TM4SF19: variants seen among roughly 807,000 people sequenced by gnomAD.
TM4SF19 encodes the protein transmembrane 4 L6 family member 19.
Under a neutral mutation model 21.8 loss-of-function variants are expected in TM4SF19, and 17 were observed. The ratio of observed to expected loss-of-function variants is 0.78; its 90% confidence interval spans 0.53 to 1.17. TM4SF19 has a LOEUF of 1.17. Among genes scored for constraint, TM4SF19 ranks in the 50% most tolerant of loss-of-function variants. TM4SF19 has a pLI of 0.00. For synonymous variants in TM4SF19, 107 were observed against 106.7 expected, an observed-to-expected ratio of 1.00 and a Z score of -0.02; for missense variants, 216 against 252.1, an observed-to-expected ratio of 0.86 and a Z score of 0.97.
chr3:196,331,496 A>G (rs57097256), intron 1 of TM4SF19, among the ~76,000 whole-genome samples: 1 of 151,126 alleles, frequency 6.6e-6, no homozygotes, highest in Non-Finnish European at 1.5e-5. Flanking sequence ...ATTGAAAAAA[A>G]TTTATTTTTA....
At chr3:196,337,231 T>G (rs1727800441) in intron 1 of TM4SF19, among the ~76,000 whole-genome samples, 1 of 151,930 alleles carries the variant, frequency 6.6e-6, no homozygotes, top group Non-Finnish European at 1.5e-5. Context: ...GCTAATTTTG[T>G]ATTTTTAGTA....
chr3:196,338,206 T>A (rs1039754110), intron 1 of TM4SF19, 58 bp downstream of exon 1: 1 of 152,254 alleles, frequency 6.6e-6, no homozygotes. Context: ...GCGTGCACTC[T>A]CATCTGTGAG....
At chr3:196,334,471 T>C (rs1727641141) in intron 1 of TM4SF19, among the ~76,000 whole-genome samples, 1 of 151,834 alleles carries the variant, frequency 6.6e-6, no homozygotes, top group African/African-American at 2.4e-5. Context: ...TTTTTTTTCT[T>C]GAGACAGAGT....
At chr3:196,326,163 C>T (rs911975416) in intron 3 of TM4SF19, among the ~76,000 whole-genome samples, 4 of 151,964 alleles carry the variant, frequency 2.6e-5, no homozygotes, top group African/African-American at 7.3e-5. Context: ...TTGGTAGAGA[C>T]GGGGTTTCAC....
At chr3:196,326,493 G>T (rs1225715432) in intron 3 of TM4SF19, among the ~76,000 whole-genome samples, 1 of 152,054 alleles carries the variant, frequency 6.6e-6, no homozygotes, top group Non-Finnish European at 1.5e-5. Flanking sequence ...AATTTATTCT[G>T]GGCCTCAGTT....
At chr3:196,331,366 AAGTC>A (rs1037957365) in intron 1 of TM4SF19, among the ~76,000 whole-genome samples, 5 of 151,488 alleles carry the variant, frequency 3.3e-5, no homozygotes, top group Admixed American at 6.6e-5. Context: ...GATCTGAAAA[AAGTC>A]AGCGTCATGA....
chr3:196,332,796 T>G (rs912336047), intron 1 of TM4SF19, among the ~76,000 whole-genome samples: 6 of 151,818 alleles, frequency 4.0e-5, no homozygotes, highest in African/African-American at 1.5e-4. Flanking sequence ...AAAAGGCATT[T>G]AATGCTGGCA....
intron 1 of TM4SF19, among the ~76,000 whole-genome samples, chr3:196,337,121 G>C (rs1727795448): frequency 7.2e-6 from 1 of 139,190 alleles, no homozygotes; most frequent in South Asian, 2.4e-4. Context: ...GAGTGCAGCG[G>C]CATGCTCTTG....
Position 196,323,848 on chromosome 3 carries a change from A to C in TM4SF19, c.599T>G (p.Leu200Arg), listed in dbSNP as rs1366990185. 2 of 1,614,208 alleles carry C rather than the reference A, an allele frequency of 1.2e-6. No individual in the cohort carries two copies. The highest frequency in any genetic ancestry group is 1.7e-6 in the Non-Finnish European group (2 of 1,180,040). ...LVVVHVINSLLGLFCSLCEK is the reference protein window; with the variant it reads ...LVVVHVINSLRGLFCSLCEK The stretch of plus-strand genomic sequence containing the variant: ...CTCGCAGAGGCTGCAGAAAAGGCCC[A>C]GGAGGCTGTTGATGACATGAACGAC... The change falls in exon 5 of 5, where the codon CTG becomes CGG. Residue 200 changes from leucine (L) to arginine (R), a missense_variant. By Grantham distance (102) the Leu-to-Arg change is moderately radical. Transcript: ENST00000273695.
chr3:196,331,077 A>G (rs1304156422), intron 1 of TM4SF19, among the ~76,000 whole-genome samples: 1 of 151,456 alleles, frequency 6.6e-6, no homozygotes, highest in East Asian at 1.9e-4. Flanking sequence ...AGTTTGAGAT[A>G]AGCCTGGTCA....
chr3:196,336,540 C>T (rs941393943), intron 1 of TM4SF19, among the ~76,000 whole-genome samples: 1 of 152,230 alleles, frequency 6.6e-6, no homozygotes, highest in African/African-American at 2.4e-5. Flanking sequence ...CCTGGCTGTC[C>T]GCCAATCAAA....
chr3:196,324,232 C>T, intron 4 of TM4SF19, 39 bp downstream of exon 4: 1 of 1,593,998 alleles, frequency 6.3e-7, no homozygotes, highest in South Asian at 1.1e-5. Context: ...CTCTCTCTCT[C>T]TGTCTGAAAA....
Position 196,327,545 on chromosome 3 carries a change from G to C in TM4SF19, c.46C>G (p.Arg16Gly). ...CTQASSRTCS[R>G]ILGLSLGTAA... ...GTCCCAAGGCTCAGTCCCAGGATACGGGAGCAAGTCCGTGAGCTTGCCTGC... is the reference window on the plus strand; with the variant it reads ...GTCCCAAGGCTCAGTCCCAGGATACCGGAGCAAGTCCGTGAGCTTGCCTGC... Residue 16 changes from arginine to glycine, a missense_variant, in exon 2 of 5, where the codon CGT becomes GGT. Coordinates refer to ENST00000273695, the MANE Select transcript of TM4SF19 (RefSeq NM_138461.4). 1 of 1,614,022 alleles carries C rather than the reference G, an allele frequency of 6.2e-7. No homozygotes were observed. Among genetic ancestry groups the C allele is most frequent in the Non-Finnish European group, 8.5e-7 (1 of 1,179,998 alleles).
At chr3:196,330,020 T>C (rs1231679827) in intron 1 of TM4SF19, among the ~76,000 whole-genome samples, 13 of 150,976 alleles carry the variant, frequency 8.6e-5, no homozygotes, top group African/African-American at 1.5e-4. Context: ...TACAGGCATG[T>C]GCCACCACGC....
chr3:196,325,220 T>C lies in TM4SF19; in HGVS notation c.280-780A>G, dbSNP rs905000173. On this transcript the variant is annotated intron_variant, in intron 3 of 4. Coordinates refer to ENST00000273695, the MANE Select transcript of TM4SF19 (RefSeq NM_138461.4). The surrounding 1 kb of genome is among the most constrained non-coding windows in gnomAD (Gnocchi z 4.3). ...TTCTTTCTCTCTCTCTCTTTCTTTT[T>C]GAGACAGAGTCTCACTCTGTCGCCC... is the stretch of plus-strand genomic sequence containing the variant. 1 of 152,200 alleles carries C rather than the reference T, an allele frequency of 6.6e-6. No homozygotes were observed. The highest frequency in any genetic ancestry group is 1.9e-4 in the East Asian group (1 of 5,188). The allele number at this position is 152,200 out of a possible 1,614,324, so 9.4% of individuals were successfully genotyped here.
At chr3:196,331,470 T>A (rs147708157) in intron 1 of TM4SF19, among the ~76,000 whole-genome samples, 316 of 151,592 alleles carry the variant, frequency 2.1e-3, no homozygotes, top group African/African-American at 5.0e-3. Context: ...TTATTTAATT[T>A]ATTTATTTAT....
intron 3 of TM4SF19, among the ~76,000 whole-genome samples, chr3:196,326,131 C>T (rs920442289): frequency 2.0e-5 from 3 of 152,126 alleles, no homozygotes; most frequent in Admixed American, 6.6e-5. Flanking sequence ...CCCACCACCA[C>T]GCCCAGCTAA....
intron 1 of TM4SF19, among the ~76,000 whole-genome samples, chr3:196,335,783 C>A (rs1727733553): frequency 6.6e-6 from 1 of 152,052 alleles, no homozygotes; most frequent in Non-Finnish European, 1.5e-5. Flanking sequence ...GTCTGCACAT[C>A]CTCCCTCCGA....
intron 1 of TM4SF19, among the ~76,000 whole-genome samples, chr3:196,331,677 C>T (rs1254008549): frequency 2.0e-5 from 3 of 151,882 alleles, no homozygotes; most frequent in Non-Finnish European, 2.9e-5. Flanking sequence ...ATCCCAGCTA[C>T]TCGGAAGGCT....
Sources: allele counts gnomAD v4.1 joint callset (sites outside exome capture counted in the v4.1 genomes callset), GRCh38; gene constraint gnomAD v4.1.1; non-coding constraint Gnocchi (gnomAD v3.1); transcripts MANE v1.5; gene names NCBI Gene and HGNC (gene_info 2026-07-23, HGNC 2026-07-21).